The following BRINP3 variants were observed in gnomAD, a reference collection of about 807,000 sequenced individuals.
BRINP3 encodes the protein BMP/retinoic acid inducible neural specific 3.
BRINP3 carries 19 observed loss-of-function variants against 71.0 expected under a neutral mutation model. The observed-to-expected ratio is 0.27, with a 90% CI of 0.19 to 0.39. The LOEUF (loss-of-function observed/expected upper bound fraction) is 0.39. Ranked by LOEUF, BRINP3 falls within the 10% of genes least tolerant of loss-of-function variation. The pLI is 1.00. For synonymous variants in BRINP3, 380 were observed against 337.7 expected (o/e 1.13, Z -1.37); for missense variants, 959 against 940.8 (o/e 1.02, Z -0.25).
chr1:190,370,295 C>T (rs970939992), intron 2 of BRINP3, among the ~76,000 whole-genome samples: 11 of 150,282 alleles, frequency 7.3e-5, no homozygotes, highest in Non-Finnish European at 6.0e-5. Context: ...ATTATAGAAA[C>T]AGAAGATATT....
chr1:190,410,819 G>A (rs1483491509), intron 2 of BRINP3, among the ~76,000 whole-genome samples: 1 of 152,050 alleles, frequency 6.6e-6, no homozygotes, highest in African/African-American at 2.4e-5. Flanking sequence ...TCTAACAAGA[G>A]TTATTTCAGT....
intron 7 of BRINP3, among the ~76,000 whole-genome samples, chr1:190,111,110 G>A (rs537873173): frequency 1.3e-4 from 19 of 148,224 alleles, no homozygotes; most frequent in Middle Eastern, 3.4e-3. Flanking sequence ...CCCGGGAGGC[G>A]GAGCTTGCAG....
chr1:190,253,274 C>A (rs185192523), intron 4 of BRINP3, among the ~76,000 whole-genome samples: 8 of 152,256 alleles, frequency 5.3e-5, no homozygotes, highest in Non-Finnish European at 7.4e-5. Flanking sequence ...ATTTAAAATT[C>A]TTTGGGTATA....
At chr1:190,475,123 A>G (rs1370916384) in intron 1 of BRINP3, among the ~76,000 whole-genome samples, 1 of 152,168 alleles carries the variant, frequency 6.6e-6, no homozygotes, top group Non-Finnish European at 1.5e-5. Flanking sequence ...TGGTGAAGGA[A>G]AGGAAGGAGT....
chr1:190,340,928 C>G (rs373517042), intron 2 of BRINP3, among the ~76,000 whole-genome samples: 12 of 151,462 alleles, frequency 7.9e-5, no homozygotes, highest in Non-Finnish European at 3.0e-5. Flanking sequence ...CCAAGAAATA[C>G]TTTTTAAGGC....
At chr1:190,360,047 AGTGACACAG>A (rs1669033027) in intron 2 of BRINP3, among the ~76,000 whole-genome samples, 1 of 152,222 alleles carries the variant, frequency 6.6e-6, no homozygotes. Flanking sequence ...TGAAAAAGGC[AGTGACACAG>A]GTGTCAAATT....
intron 2 of BRINP3, among the ~76,000 whole-genome samples, chr1:190,402,969 T>G (rs1482490354): frequency 6.6e-6 from 1 of 152,136 alleles, no homozygotes; most frequent in Non-Finnish European, 1.5e-5. Flanking sequence ...TCAAGCTACC[T>G]GCCCACCTCG....
chr1:190,332,479 C>T (rs1295611680), intron 2 of BRINP3, among the ~76,000 whole-genome samples: 1 of 152,018 alleles, frequency 6.6e-6, no homozygotes, highest in Non-Finnish European at 1.5e-5. Flanking sequence ...TTTCAAATAC[C>T]TGTTCACCTT....
intron 1 of BRINP3, among the ~76,000 whole-genome samples, chr1:190,459,834 A>G (rs1676263945): frequency 6.6e-6 from 1 of 152,098 alleles, no homozygotes; most frequent in Non-Finnish European, 1.5e-5. Flanking sequence ...TGTAGAACCC[A>G]TGGAAAACTG....
At chr1:190,356,125 T>G (rs1668713635) in intron 2 of BRINP3, among the ~76,000 whole-genome samples, 1 of 151,998 alleles carries the variant, frequency 6.6e-6, no homozygotes, top group African/African-American at 2.4e-5. Flanking sequence ...TGTATTCTAC[T>G]AATATTCTGA....
At chr1:190,459,998 A>C (rs1429680036) in intron 1 of BRINP3, among the ~76,000 whole-genome samples, 2 of 151,978 alleles carry the variant, frequency 1.3e-5, no homozygotes, top group African/African-American at 4.8e-5. Context: ...AAAGGTATAA[A>C]GAAAATTGGC....
chr1:190,101,839 G>A (rs1651728599), intron 7 of BRINP3, among the ~76,000 whole-genome samples: 1 of 152,156 alleles, frequency 6.6e-6, no homozygotes, highest in African/African-American at 2.4e-5. Flanking sequence ...GTAGGGCACT[G>A]TAGAAAGAAT....
chr1:190,280,107 T>C (rs1662922044), intron 3 of BRINP3, among the ~76,000 whole-genome samples: 1 of 151,810 alleles, frequency 6.6e-6, no homozygotes. Context: ...TGATAATAAA[T>C]ACTGTGATAA....
chr1:190,237,806 A>T (rs1429957058), intron 4 of BRINP3, among the ~76,000 whole-genome samples: 2 of 152,088 alleles, frequency 1.3e-5, no homozygotes. Flanking sequence ...AATTATGAAC[A>T]TAAAACACTG....
chr1:190,364,239 T>C (rs1669340803), intron 2 of BRINP3, among the ~76,000 whole-genome samples: 1 of 152,072 alleles, frequency 6.6e-6, no homozygotes, highest in Admixed American at 6.6e-5. Flanking sequence ...ATAAGTATTT[T>C]ATAATGTTTT....
At chr1:190,365,069 C>T (rs1299759334) in intron 2 of BRINP3, among the ~76,000 whole-genome samples, 2 of 152,068 alleles carry the variant, frequency 1.3e-5, no homozygotes, top group African/African-American at 4.8e-5. Flanking sequence ...ATCAAATATG[C>T]CTTGTGAAAT....
chr1:190,308,342 G>C (rs1209269960), intron 2 of BRINP3, among the ~76,000 whole-genome samples: 2 of 151,840 alleles, frequency 1.3e-5, no homozygotes, highest in Non-Finnish European at 2.9e-5. Context: ...GTGTAAAAGA[G>C]TAATGATTGT....
At chr1:190,359,964 T>C (rs1306490280) in intron 2 of BRINP3, among the ~76,000 whole-genome samples, 2 of 152,100 alleles carry the variant, frequency 1.3e-5, no homozygotes, top group African/African-American at 4.8e-5. Context: ...CTTATTTAGG[T>C]TTATTATTAG....
At chr1:190,445,492 C>A (rs1204823844) in intron 2 of BRINP3, among the ~76,000 whole-genome samples, 1 of 151,832 alleles carries the variant, frequency 6.6e-6, no homozygotes, top group Non-Finnish European at 1.5e-5. Context: ...TGAGAAACAT[C>A]ATAATGCAAA....
Sources: allele counts gnomAD v4.1 joint callset (sites outside exome capture counted in the v4.1 genomes callset), GRCh38; gene constraint gnomAD v4.1.1; transcripts MANE v1.5; gene names NCBI Gene and HGNC (gene_info 2026-07-23, HGNC 2026-07-21).